The following TOP2A variants were observed in gnomAD, a reference collection of about 807,000 sequenced individuals.
TOP2A encodes the protein DNA topoisomerase 2-alpha.
In TOP2A, 68 loss-of-function variants were observed where a neutral mutation model predicts 187.2. The ratio of observed to expected loss-of-function variants is 0.36; its 90% CI spans 0.30 to 0.44. TOP2A has a LOEUF of 0.44. Among genes scored for constraint, TOP2A ranks in the 20% least tolerant of loss-of-function variants. The pLI, the probability that TOP2A is intolerant of heterozygous loss-of-function variation, is 1.00. For missense variants in TOP2A, 1,196 were observed against 1,808.7 expected (o/e 0.66, Z 6.14); for synonymous variants, 542 against 593.2 (o/e 0.91, Z 1.25).
chr17:40,413,674 G>C (rs966019196), intron 4 of TOP2A, 49 bp from the exon 5 acceptor site: 1 of 909,796 alleles, frequency 1.1e-6, no homozygotes, highest in Non-Finnish European at 1.6e-6. Context: ...TTAAACGAAT[G>C]CTTAACATTT....
intron 4 of TOP2A, 111 bp downstream of exon 4, chr17:40,415,894 G>C: frequency 5.5e-6 from 4 of 726,638 alleles, no homozygotes; most frequent in Non-Finnish European, 2.4e-6. Context: ...TTCTGCTTTT[G>C]TGTACTTTTC....
In TOP2A at chr17:40,398,564, T is replaced by C. The variant is rs538680392; in HGVS notation, c.3531A>G (p.Glu1177=). ...WKEDLATFIE[E]LEAVEAKEKQ... ...GGCATTATAAACTACATACCTCCAA[T>C]TCTTCAATAAATGTAGCCAAGTCTT... is the stretch of plus-strand genomic sequence containing the variant. The change falls in exon 27 of 35, where the codon GAA becomes GAG. Residue 1177 remains glutamate (E), a synonymous_variant. Transcript: ENST00000423485. 95 of 1,576,042 alleles carry C rather than the reference T, an allele frequency of 6.0e-5. No individual in the cohort carries two copies. The East Asian group carries it at 2.0e-3, about 33-fold the overall frequency.
In TOP2A at chr17:40,416,641, A is replaced by G. The variant is rs1052874077; in HGVS notation, c.177+99T>C. On this transcript the variant is annotated intron_variant, in intron 2 of 34. Transcript: ENST00000423485. ...CAGTTCCAGTGACACTCAGTACATG[A>G]GAGATACAGAAAGGTCACACTCAGT... is the stretch of plus-strand genomic sequence containing the variant. 3 of 1,468,764 alleles carry G rather than the reference A, an allele frequency of 2.0e-6. No homozygotes were observed. The African/African-American group carries it at 4.2e-5, about 21-fold the overall frequency. The allele number at this position is 1,468,764 out of a possible 1,614,324, so 91.0% of individuals were successfully genotyped here. A position where few individuals can be genotyped will look rare whatever the true frequency, so the allele number is the denominator to read the frequency against.
At chr17:40,415,076 A>G (rs1265813489) in intron 4 of TOP2A, among the ~76,000 whole-genome samples, 6 of 147,784 alleles carry the variant, frequency 4.1e-5, no homozygotes, top group Non-Finnish European at 4.5e-5. Context: ...TTTTTTTGAG[A>G]CAGAGTCTTG....
Position 40,388,671 on chromosome 17 carries a change from A to G in TOP2A, c.*848T>C, listed in dbSNP as rs2143612642. The G allele has an allele frequency of 5.3e-6, 1 of 187,046 alleles. No individual in the cohort carries two copies. The highest frequency in any genetic ancestry group is 8.6e-5 in the East Asian group (1 of 11,644). 11.6% of individuals were successfully genotyped at this position (187,046 alleles called of 1,614,324 possible). A position where few individuals can be genotyped will look rare whatever the true frequency, so the allele number is the denominator to read the frequency against. ...TAGACAGGTCTTAACAAAGTTTACA[A>G]ATTGAAATTATGGAGATTTCCCAAA... On this transcript the variant is annotated 3_prime_UTR_variant, in exon 35 of 35. Transcript: ENST00000423485.
At chr17:40,416,144 G>GA (rs2035387756) in intron 3 of TOP2A, 76 bp from the exon 4 acceptor site, 40 of 1,214,214 alleles carry the variant, frequency 3.3e-5, no homozygotes, top group Non-Finnish European at 4.3e-5. Context: ...GTAAGATATA[G>GA]AAAAAAAAGT....
intron 16 of TOP2A, among the ~76,000 whole-genome samples, chr17:40,405,658 A>G (rs2035233758): frequency 6.6e-6 from 1 of 150,860 alleles, no homozygotes; most frequent in Non-Finnish European, 1.5e-5. Flanking sequence ...TTTAGTAGAG[A>G]CGGGGTTTCA....
At position 40,398,909 on chromosome 17, in the gene TOP2A, C is replaced by T; in HGVS notation, c.3317G>A (p.Ser1106Asn). ...CTTTTCAGTTTCCTTTTCGTTGTCA[C>T]TCTCTTCATTTTCTTCTTCATCTGG... ...KVPDEEENEE[S>N]DNEKETEKSD... Residue 1106 changes from serine to asparagine, a missense_variant, in exon 26 of 35, where the codon AGT becomes AAT. Coordinates refer to ENST00000423485, the MANE Select transcript of TOP2A (RefSeq NM_001067.4). 1 of 1,610,224 alleles carries T rather than the reference C, an allele frequency of 6.2e-7. No individual in the cohort carries two copies. Among genetic ancestry groups the T allele is most frequent in the Non-Finnish European group, 8.5e-7 (1 of 1,178,724 alleles).
intron 1 of TOP2A, among the ~76,000 whole-genome samples, chr17:40,417,115 T>A (rs1382606575): frequency 1.3e-5 from 2 of 152,148 alleles, no homozygotes; most frequent in African/African-American, 4.8e-5. Flanking sequence ...TCTCACCAAG[T>A]GGGTCTGTCT....
intron 5 of TOP2A, 69 bp downstream of exon 5, chr17:40,413,411 T>C (rs2035348517): frequency 2.1e-6 from 3 of 1,407,938 alleles, no homozygotes; most frequent in South Asian, 2.8e-5. Context: ...TTAACCCTCA[T>C]GCCACAGACA....
At chr17:40,392,853 T>C (rs1182200357) in intron 29 of TOP2A, 116 bp from the exon 30 acceptor site, 1 of 860,998 alleles carries the variant, frequency 1.2e-6, no homozygotes, top group East Asian at 2.5e-5. Context: ...AATACAATCG[T>C]GAAAAGAGAC....
At chr17:40,409,574 C>A in intron 10 of TOP2A, 1 of 388,952 alleles carries the variant, frequency 2.6e-6, no homozygotes, top group Middle Eastern at 7.1e-4. Context: ...GCCTGGCCAA[C>A]ATGGTAAAAC....
In TOP2A at chr17:40,390,123, C is replaced by T. The variant is rs1374914927; in HGVS notation, c.4309G>A (p.Ala1437Thr). 1 of 1,613,528 alleles carries T rather than the reference C, an allele frequency of 6.2e-7. No homozygotes were observed. Among genetic ancestry groups the T allele is most frequent in the Non-Finnish European group, 8.5e-7 (1 of 1,179,738 alleles). ...GGATCCCTTTTAGTTCCTTTTGGGG[C>T]AGCCCTTTTTTTGGCACCGGTAGTG... ...TSTTGAKKRA[A>T]PKGTKRDPAL... Residue 1437 changes from alanine to threonine, a missense_variant, in exon 34 of 35, where the codon GCC becomes ACC. Physicochemically the swap from Ala to Thr is moderately conservative, Grantham distance 58. Around this residue, in one of 10 missense-constraint regions of TOP2A, gnomAD observed 374 missense variants for 403.3 expected, o/e 0.93. Transcript: ENST00000423485.
chr17:40,403,407 GTTA>G (rs2035204745), intron 19 of TOP2A, among the ~76,000 whole-genome samples: 1 of 152,096 alleles, frequency 6.6e-6, no homozygotes, highest in South Asian at 2.1e-4. Context: ...TGGCTAAATT[GTTA>G]TTATATCTTG....
intron 12 of TOP2A, 69 bp downstream of exon 12, chr17:40,407,898 A>T (rs1157185846): frequency 6.9e-7 from 1 of 1,447,652 alleles, no homozygotes; most frequent in Non-Finnish European, 9.4e-7. Context: ...TAATGAGGGA[A>T]TTAAATATAA....
chr17:40,393,404 C>T (rs1309616060), intron 29 of TOP2A, among the ~76,000 whole-genome samples: 3 of 152,068 alleles, frequency 2.0e-5, no homozygotes, highest in South Asian at 2.1e-4. Flanking sequence ...GTCATGGTGG[C>T]GAGTGCCTAT....
chr17:40,415,149 G>A (rs2035374920), intron 4 of TOP2A, among the ~76,000 whole-genome samples: 1 of 151,252 alleles, frequency 6.6e-6, no homozygotes, highest in African/African-American at 2.4e-5. Context: ...CCACCTCCCG[G>A]GTTCATGCCA....
intron 4 of TOP2A, among the ~76,000 whole-genome samples, chr17:40,415,431 C>G (rs528891591): frequency 2.0e-5 from 3 of 152,196 alleles, no homozygotes; most frequent in South Asian, 4.1e-4. Context: ...ATCAATCAGA[C>G]TAACAAAAAA....
chr17:40,410,069 C>G lies in TOP2A; in HGVS notation c.1203+1040G>C, dbSNP rs183106956. The stretch of plus-strand genomic sequence containing the variant: ...TGCCACTGCATTCCAGCCTGGGCGA[C>G]AGAGCGAGACTCTGCCTAAAAAAAA... On this transcript the variant is annotated intron_variant, in intron 10 of 34. Transcript: ENST00000423485. 686 of 159,704 alleles carry G rather than the reference C, an allele frequency of 4.3e-3. 2 individuals carry two copies. Among genetic ancestry groups the G allele is most frequent in the Non-Finnish European group, 7.4e-3 (532 of 71,694 alleles). 9.9% of individuals were successfully genotyped at this position (159,704 alleles called of 1,614,324 possible).
Sources: gnomAD v4.1 joint callset for allele counts (sites outside exome capture counted in the v4.1 genomes callset) on GRCh38, gnomAD v4.1.1 for gene constraint, gnomAD v4.1.1 regional missense constraint, MANE v1.5 for transcripts, NCBI Gene and HGNC (gene_info 2026-07-23, HGNC 2026-07-21) for gene names.